The following NBAS variants were observed in gnomAD, a reference collection of about 807,000 sequenced individuals.
NBAS encodes NAG/BC035112 fusion.
NBAS carries 219 observed loss-of-function variants against 302.5 expected under a neutral mutation model. That is an observed-to-expected ratio of 0.72 (90% CI 0.65 to 0.81). NBAS has a LOEUF of 0.81. NBAS is among the 30% of genes least tolerant of loss of function. NBAS has a pLI of 0.00. For missense variants in NBAS, 2,932 were observed against 2,841.6 expected (o/e 1.03, Z -0.72); for synonymous variants, 1,118 against 1,021.6 (o/e 1.09, Z -1.80).
At chr2:15,197,748 C>G (rs995834077) in intron 48 of NBAS, among the ~76,000 whole-genome samples, 8 of 152,198 alleles carry the variant, frequency 5.3e-5, no homozygotes, top group Non-Finnish European at 1.0e-4. Context: ...TAACCTGTAA[C>G]TTGTCCATTT....
At chr2:15,170,390 T>C (rs67654717) in intron 51 of NBAS, among the ~76,000 whole-genome samples, 19,323 of 152,258 alleles carry the variant, frequency 0.13, 1,538 homozygotes, top group South Asian at 0.33. Flanking sequence ...GCTTGCCTTC[T>C]TGGCTGAGAA....
At chr2:15,431,785 T>C (rs1176388462) in intron 21 of NBAS, among the ~76,000 whole-genome samples, 1 of 152,140 alleles carries the variant, frequency 6.6e-6, no homozygotes, top group Non-Finnish European at 1.5e-5. Context: ...GCTACACTAG[T>C]AGTAATGGTA....
At chr2:15,303,500 G>A (rs1053373119) in intron 40 of NBAS, among the ~76,000 whole-genome samples, 2 of 152,122 alleles carry the variant, frequency 1.3e-5, no homozygotes, top group South Asian at 2.1e-4. Context: ...CACCTACTTC[G>A]AACCCTTATC....
chr2:15,281,507 ATC>A (rs1669824429), intron 42 of NBAS, among the ~76,000 whole-genome samples: 1 of 152,218 alleles, frequency 6.6e-6, no homozygotes, highest in African/African-American at 2.4e-5. Context: ...GGTCTGGTAA[ATC>A]TAGCCTGTTC....
the NBAS span, among the ~76,000 whole-genome samples, chr2:14,800,930 T>C: frequency 6.6e-6 from 1 of 151,844 alleles, no homozygotes; most frequent in Non-Finnish European, 1.5e-5. Flanking sequence ...CATAGTGTAG[T>C]TCTGTAGGTG....
chr2:15,309,298 A>G (rs1157380126), intron 38 of NBAS, 51 bp from the exon 39 acceptor site: 1 of 1,457,928 alleles, frequency 6.9e-7, no homozygotes, highest in East Asian at 2.4e-5. Flanking sequence ...TATGATATTC[A>G]TAGTTATTAA....
chr2:15,290,038 GGAGAA>G (rs1670232596), intron 41 of NBAS, among the ~76,000 whole-genome samples: 1 of 149,910 alleles, frequency 6.7e-6, no homozygotes, highest in African/African-American at 2.5e-5. Context: ...AGAGAGGAGA[GGAGAA>G]GAGGGGAGAG....
the NBAS span, among the ~76,000 whole-genome samples, chr2:15,028,878 C>A: frequency 6.6e-6 from 1 of 152,096 alleles, no homozygotes; most frequent in South Asian, 2.1e-4. Context: ...TTTTTATATA[C>A]TTCCCCATTT....
the NBAS span, among the ~76,000 whole-genome samples, chr2:14,847,935 C>T: frequency 6.6e-6 from 1 of 152,178 alleles, no homozygotes; most frequent in East Asian, 1.9e-4. Flanking sequence ...AGCATCTTCT[C>T]TGACCACAAT....
At chr2:15,387,675 A>C (rs1168389016) in intron 28 of NBAS, among the ~76,000 whole-genome samples, 1 of 151,298 alleles carries the variant, frequency 6.6e-6, no homozygotes, top group Admixed American at 6.6e-5. Flanking sequence ...TCTGTTGCCC[A>C]GGCTGGAGTG....
At chr2:15,080,101 C>T in the NBAS span, among the ~76,000 whole-genome samples, 1 of 152,136 alleles carries the variant, frequency 6.6e-6, no homozygotes, top group Non-Finnish European at 1.5e-5. Flanking sequence ...ACCACCTTCC[C>T]CAGAAGCAAG....
At position 15,356,307 on chromosome 2, in the gene NBAS, G is replaced by C. The variant is rs1673616883; in HGVS notation, c.3927C>G (p.Ala1309=). The change falls in exon 33 of 52, where the codon GCC becomes GCG. Residue 1309 remains alanine (A), a synonymous_variant. Transcript: ENST00000281513. The stretch of plus-strand genomic sequence containing the variant: ...TTAAATAAGCTGTCTACTCACCTGT[G>C]GCCATCAGCTCCTGACAATGCATAC... ...AASMHCQELM[A]TGYPKSWDVC... The C allele has an allele frequency of 1.9e-6, 3 of 1,611,686 alleles. No individual in the cohort carries two copies. The highest frequency in any genetic ancestry group is 3.3e-5 in the Admixed American group (2 of 59,990).
the NBAS span, among the ~76,000 whole-genome samples, chr2:14,919,339 T>TA: frequency 2.6e-5 from 4 of 152,336 alleles, no homozygotes; most frequent in East Asian, 5.8e-4. Flanking sequence ...AATTTAGTGC[T>TA]AAAAAATACT....
the NBAS span, among the ~76,000 whole-genome samples, chr2:14,978,357 T>C: frequency 2.0e-5 from 3 of 152,226 alleles, no homozygotes; most frequent in Non-Finnish European, 4.4e-5. Flanking sequence ...GGAACAAGAA[T>C]TGCATCTTTA....
At chr2:15,322,862 A>C (rs1263089986) in intron 38 of NBAS, among the ~76,000 whole-genome samples, 1 of 152,150 alleles carries the variant, frequency 6.6e-6, no homozygotes, top group African/African-American at 2.4e-5. Flanking sequence ...AAATATACAA[A>C]ATGTGATAGG....
At chr2:15,160,204 C>T in the NBAS span, among the ~76,000 whole-genome samples, 13 of 152,032 alleles carry the variant, frequency 8.6e-5, no homozygotes, top group Middle Eastern at 6.8e-3. Context: ...AGTGGAGAGA[C>T]GAGAGGTAAG....
intron 35 of NBAS, among the ~76,000 whole-genome samples, chr2:15,351,396 G>T (rs1673348408): frequency 6.6e-6 from 1 of 152,240 alleles, no homozygotes; most frequent in African/African-American, 2.4e-5. Flanking sequence ...AATACGGAAG[G>T]CCAGGCATGG....
intron 10 of NBAS, 83 bp from the exon 11 acceptor site, chr2:15,504,296 C>G: frequency 1.8e-6 from 2 of 1,098,984 alleles, no homozygotes; most frequent in Non-Finnish European, 2.8e-6. Context: ...GAAATGAAAA[C>G]TATAGCAAAT....
At chr2:15,309,511 G>GAC (rs1671184798) in intron 38 of NBAS, among the ~76,000 whole-genome samples, 1 of 152,212 alleles carries the variant, frequency 6.6e-6, no homozygotes, top group South Asian at 2.1e-4. Flanking sequence ...TAAGTGCAAA[G>GAC]ACATGAGAGA....
Sources: allele counts gnomAD v4.1 joint callset (sites outside exome capture counted in the v4.1 genomes callset), GRCh38; gene constraint gnomAD v4.1.1; transcripts MANE v1.5; gene names NCBI Gene and HGNC (gene_info 2026-07-23, HGNC 2026-07-21).